Variants in KCNMA1 observed in about 807,000 individuals in gnomAD.
The protein encoded by KCNMA1 is potassium calcium-activated channel subfamily M alpha 1.
A neutral mutation model predicts 140.0 loss-of-function variants in KCNMA1; 29 were observed. That is an observed-to-expected ratio of 0.21 (90% CI 0.15 to 0.28). The LOEUF (loss-of-function observed/expected upper bound fraction) is 0.28. Among genes scored for constraint, KCNMA1 ranks in the 10% least tolerant of loss-of-function variants. The pLI, the probability that KCNMA1 is intolerant of heterozygous loss-of-function variation, is 1.00. For missense variants in KCNMA1, 880 were observed against 1,602.2 expected (o/e 0.55, Z 7.70); for synonymous variants, 612 against 611.9 (o/e 1.00, Z 0.00).
rs200608314 is a variant in KCNMA1 at position 77,637,499 on chromosome 10, A to G, written c.144T>C (p.Ser48=). The change falls in exon 1 of 28, where the codon TCT becomes TCC. Residue 48 remains serine (S), a synonymous_variant. Coordinates refer to ENST00000286628, the MANE Select transcript of KCNMA1 (RefSeq NM_001161352.2). ...AGGAAGAGGAGGAGGAAGAAGAAGA[A>G]GAGGAAGAGGAGGAGGAGGAGGAGG... ...ASSSSSSSSS[S]SSSSSSSSSS... is the part of the protein sequence containing the mutation. 3.2e-4 allele frequency: 514 copies of G among 1,585,674 alleles called. 2 individuals carry two copies. Among genetic ancestry groups the G allele is most frequent in the Middle Eastern group, 1.7e-4 (1 of 6,030 alleles).
Position 76,949,303 on chromosome 10 carries a change from C to T in KCNMA1, c.2548G>A (p.Val850Ile), listed in dbSNP as rs142770262. The change falls in exon 22 of 28, where the codon GTC becomes ATC. Residue 850 changes from valine to isoleucine, a missense_variant. Physicochemically the swap from Val to Ile is conservative, Grantham distance 29. Transcript: ENST00000286628. ...CGGAGGCCGATCAGGGCTGAGCTGACGTCGCCAAAGATGCAGACCACGACA... is the reference window on the plus strand; with the variant it reads ...CGGAGGCCGATCAGGGCTGAGCTGATGTCGCCAAAGATGCAGACCACGACA... ...GHVVVCIFGD[V>I]SSALIGLRNL... 523 of 1,614,042 alleles carry T rather than the reference C, an allele frequency of 3.2e-4. 5 individuals carry two copies. Among genetic ancestry groups the T allele is most frequent in the South Asian group, 3.2e-3 (290 of 91,078 alleles).
intron 1 of KCNMA1, among the ~76,000 whole-genome samples, chr10:77,424,776 AG>A (rs1452470287): frequency 6.6e-6 from 1 of 152,226 alleles, no homozygotes; most frequent in African/African-American, 2.4e-5. Context: ...CTCAAAGGAT[AG>A]GCATGATTTT....
chr10:77,580,115 C>G (rs2075415324), intron 1 of KCNMA1, among the ~76,000 whole-genome samples: 1 of 152,220 alleles, frequency 6.6e-6, no homozygotes, highest in Non-Finnish European at 1.5e-5. Flanking sequence ...AGCACCGTGG[C>G]TCATGCCTGT....
chr10:77,081,196 G>A (rs191728162), intron 12 of KCNMA1, among the ~76,000 whole-genome samples: 6 of 152,084 alleles, frequency 3.9e-5, no homozygotes, highest in African/African-American at 9.7e-5. Context: ...TGAACTGCGC[G>A]ACCTTTAGGA....
At chr10:77,502,216 C>G (rs2044171358) in intron 1 of KCNMA1, among the ~76,000 whole-genome samples, 1 of 152,212 alleles carries the variant, frequency 6.6e-6, no homozygotes, top group African/African-American at 2.4e-5. Flanking sequence ...TCCTGACACT[C>G]CCACTGACAA....
chr10:76,906,197 G>A (rs543928052), intron 25 of KCNMA1, among the ~76,000 whole-genome samples: 1 of 146,022 alleles, frequency 6.8e-6, no homozygotes, highest in East Asian at 1.9e-4. Flanking sequence ...TGGGGCTGGG[G>A]TTGGGAGAAA....
chr10:77,321,589 A>G (rs2082335042), intron 2 of KCNMA1, among the ~76,000 whole-genome samples: 1 of 152,200 alleles, frequency 6.6e-6, no homozygotes. Flanking sequence ...ATTTAAATTA[A>G]TATTTTTAAA....
intron 1 of KCNMA1, among the ~76,000 whole-genome samples, chr10:77,518,232 T>C (rs1484243236): frequency 2.0e-5 from 3 of 152,198 alleles, no homozygotes; most frequent in Non-Finnish European, 2.9e-5. Flanking sequence ...CTAAAACCAG[T>C]TCTCATTATC....
At chr10:77,430,687 A>G (rs1490039135) in intron 1 of KCNMA1, among the ~76,000 whole-genome samples, 1 of 152,194 alleles carries the variant, frequency 6.6e-6, no homozygotes, top group African/African-American at 2.4e-5. Context: ...TGGTCATAAC[A>G]AGGGAGGGTG....
At chr10:77,559,839 T>C (rs778627222) in intron 1 of KCNMA1, among the ~76,000 whole-genome samples, 3 of 152,158 alleles carry the variant, frequency 2.0e-5, no homozygotes, top group Non-Finnish European at 4.4e-5. Context: ...CACAGCATCA[T>C]AGCATTTAAG....
At chr10:77,434,875 C>A (rs1274780601) in intron 1 of KCNMA1, among the ~76,000 whole-genome samples, 1 of 152,232 alleles carries the variant, frequency 6.6e-6, no homozygotes, top group Non-Finnish European at 1.5e-5. Flanking sequence ...ACTCCCATCA[C>A]AACTTCTGCC....
intron 20 of KCNMA1, among the ~76,000 whole-genome samples, chr10:76,960,929 G>T (rs368837232): frequency 6.6e-6 from 1 of 151,872 alleles, no homozygotes; most frequent in Non-Finnish European, 1.5e-5. Context: ...CACTGATAAC[G>T]CACCCAATTA....
chr10:77,414,198 C>T (rs1308689085), intron 1 of KCNMA1, among the ~76,000 whole-genome samples: 2 of 152,186 alleles, frequency 1.3e-5, no homozygotes, highest in South Asian at 2.1e-4. Context: ...GACCCGGAGG[C>T]CTGGATTGTT....
intron 15 of KCNMA1, 136 bp downstream of exon 15, chr10:77,039,392 T>C: frequency 1.4e-6 from 1 of 707,494 alleles, no homozygotes; most frequent in Non-Finnish European, 2.6e-6. Context: ...ATTCATCACA[T>C]GGGGCCGAGC....
At chr10:77,245,854 TC>T (rs1332711796) in intron 3 of KCNMA1, among the ~76,000 whole-genome samples, 1 of 152,086 alleles carries the variant, frequency 6.6e-6, no homozygotes, top group East Asian at 1.9e-4. Context: ...GTTCATTTGA[TC>T]CTATCTCATT....
At chr10:77,572,729 C>G (rs1183884002) in intron 1 of KCNMA1, among the ~76,000 whole-genome samples, 1 of 144,622 alleles carries the variant, frequency 6.9e-6, no homozygotes, top group Non-Finnish European at 1.5e-5. Context: ...GTGCTCCAGC[C>G]TGGGCAACAG....
intron 20 of KCNMA1, among the ~76,000 whole-genome samples, chr10:76,969,300 G>GGGAAGGAAGGATGGGAGGAAGGAAGGAA (rs2075221105): frequency 9.2e-6 from 1 of 109,288 alleles, no homozygotes; most frequent in Admixed American, 1.0e-4. Context: ...GAAGGAAGGA[G>GGGAAGGAAGGATGGGAGGAAGGAAGGAA]GGAAGGAAGG....
At chr10:76,915,875 G>A (rs2052620021) in intron 23 of KCNMA1, among the ~76,000 whole-genome samples, 1 of 152,102 alleles carries the variant, frequency 6.6e-6, no homozygotes, top group African/African-American at 2.4e-5. Flanking sequence ...GCCAGGAACT[G>A]AGGCACCAGC....
chr10:77,222,661 C>A (rs927360824), intron 3 of KCNMA1, among the ~76,000 whole-genome samples: 20 of 152,226 alleles, frequency 1.3e-4, no homozygotes, highest in African/African-American at 4.3e-4. Flanking sequence ...GATTAATCTG[C>A]TCCTGTTGTA....
Sources: allele counts gnomAD v4.1 joint callset (sites outside exome capture counted in the v4.1 genomes callset), GRCh38; gene constraint gnomAD v4.1.1; transcripts MANE v1.5; gene names NCBI Gene and HGNC (gene_info 2026-07-23, HGNC 2026-07-21).